Variants in CTNNA2 observed in about 807,000 individuals in gnomAD.
The protein encoded by CTNNA2 is catenin alpha 2, also known as catenin alpha-2.
A neutral mutation model predicts 101.0 loss-of-function variants in CTNNA2; 42 were observed. That is an observed-to-expected ratio of 0.42 (90% confidence interval 0.32 to 0.54). CTNNA2 has a LOEUF of 0.54. CTNNA2 is among the 20% of genes least tolerant of loss of function. CTNNA2 has a pLI of 0.14. For synonymous variants in CTNNA2, 450 were observed against 456.4 expected (o/e 0.99, Z 0.18); for missense variants, 871 against 1,223.1 (o/e 0.71, Z 4.29).
chr2:80,162,656 C>T (rs1214154461), intron 7 of CTNNA2: 1 of 1,612,444 alleles, frequency 6.2e-7, no homozygotes, highest in African/African-American at 1.3e-5. Flanking sequence ...TGACTTTACG[C>T]TGTGATGATG....
rs181971183 is a variant in CTNNA2, at chr2:80,477,045, T to C, written c.1290+57444T>C. ...TAGAATAATTACTATTTAGAGTATA[T>C]TGGGTTGGATTTGTAAAATGACTGG... On this transcript the variant is annotated intron_variant, in intron 9 of 18. Coordinates refer to ENST00000402739, the MANE Select transcript of CTNNA2 (RefSeq NM_001282597.3). 2.8e-3 allele frequency among the ~76,000 whole-genome samples: 427 copies of C among 152,252 alleles called. 1 individual carries two copies. The highest frequency in any genetic ancestry group is 3.0e-3 in the Non-Finnish European group (205 of 68,008).
intron 1 of CTNNA2, among the ~76,000 whole-genome samples, chr2:79,561,188 T>G (rs1307802757): frequency 1.3e-5 from 2 of 151,946 alleles, no homozygotes; most frequent in East Asian, 3.9e-4. Context: ...ATATGACCTT[T>G]GTGCCTGGCT....
chr2:79,955,338 T>C (rs866106316), intron 7 of CTNNA2, among the ~76,000 whole-genome samples: 23 of 152,316 alleles, frequency 1.5e-4, no homozygotes, highest in African/African-American at 4.8e-4. Flanking sequence ...AGTTTCGTGT[T>C]ATGCTTTTGT....
intron 7 of CTNNA2, among the ~76,000 whole-genome samples, chr2:80,338,625 G>A (rs1293182429): frequency 6.6e-6 from 1 of 152,162 alleles, no homozygotes; most frequent in Non-Finnish European, 1.5e-5. Flanking sequence ...GAGCATGGCC[G>A]ACTCTGGAGA....
At chr2:80,217,671 T>G (rs1237903649) in intron 7 of CTNNA2, among the ~76,000 whole-genome samples, 1 of 152,214 alleles carries the variant, frequency 6.6e-6, no homozygotes, top group African/African-American at 2.4e-5. Context: ...TCCACTAAAC[T>G]GTGATTTTCA....
intron 6 of CTNNA2, among the ~76,000 whole-genome samples, chr2:79,879,891 T>G (rs148848765): frequency 1.3e-5 from 2 of 152,294 alleles, no homozygotes; most frequent in East Asian, 3.9e-4. Context: ...AGTTTTGTTA[T>G]GTATTGGTTT....
intron 4 of CTNNA2, among the ~76,000 whole-genome samples, chr2:79,458,189 G>C (rs919118522): frequency 2.0e-5 from 3 of 152,190 alleles, no homozygotes; most frequent in African/African-American, 7.2e-5. Context: ...CTTCCTTATA[G>C]ATTCTCAGAG....
At chr2:79,309,562 G>A (rs549229154) in intron 2 of CTNNA2, among the ~76,000 whole-genome samples, 1 of 152,250 alleles carries the variant, frequency 6.6e-6, no homozygotes, top group African/African-American at 2.4e-5. Context: ...CAAGGAGAAA[G>A]AACAATAGAA....
intron 7 of CTNNA2, among the ~76,000 whole-genome samples, chr2:80,067,357 T>C (rs1014511868): frequency 2.0e-5 from 3 of 152,144 alleles, no homozygotes; most frequent in Non-Finnish European, 2.9e-5. Flanking sequence ...ATGTTTTATA[T>C]ATATATATTT....
chr2:79,244,235 C>A (rs1162846207), intron 2 of CTNNA2, among the ~76,000 whole-genome samples: 1 of 152,122 alleles, frequency 6.6e-6, no homozygotes, highest in Non-Finnish European at 1.5e-5. Context: ...AAACTATCAC[C>A]CAGAACTCCA....
chr2:80,131,816 C>G (rs548816636), intron 7 of CTNNA2, among the ~76,000 whole-genome samples: 1 of 152,278 alleles, frequency 6.6e-6, no homozygotes, highest in East Asian at 1.9e-4. Flanking sequence ...CACGGTGGCT[C>G]ATGCCTGTAA....
intron 4 of CTNNA2, among the ~76,000 whole-genome samples, chr2:79,485,804 T>G (rs573616972): frequency 1.3e-5 from 2 of 152,314 alleles, no homozygotes; most frequent in Admixed American, 6.5e-5. Flanking sequence ...TCTTTTCAGG[T>G]TTTGAAATGT....
At chr2:80,222,540 T>G (rs1173458001) in intron 7 of CTNNA2, among the ~76,000 whole-genome samples, 1 of 152,162 alleles carries the variant, frequency 6.6e-6, no homozygotes, top group African/African-American at 2.4e-5. Flanking sequence ...TACAACTAGT[T>G]AATGGCAAAG....
At chr2:80,616,378 A>G (rs1450589437) in intron 17 of CTNNA2, 1 of 151,652 alleles carries the variant, frequency 6.6e-6, no homozygotes, top group Non-Finnish European at 1.5e-5. Flanking sequence ...TTTCTCTTCA[A>G]TTATAACATT....
At chr2:79,981,709 G>T (rs1691284123) in intron 7 of CTNNA2, among the ~76,000 whole-genome samples, 1 of 152,088 alleles carries the variant, frequency 6.6e-6, no homozygotes, top group South Asian at 2.1e-4. Context: ...TCGAGCAAAA[G>T]CTTACTTTTT....
intron 2 of CTNNA2, among the ~76,000 whole-genome samples, chr2:79,219,632 C>T (rs1001823056): frequency 6.6e-6 from 1 of 152,122 alleles, no homozygotes; most frequent in Non-Finnish European, 1.5e-5. Flanking sequence ...TGCATTTACA[C>T]CTGCAAGCAC....
At chr2:80,477,540 G>A (rs1053330252) in intron 9 of CTNNA2, among the ~76,000 whole-genome samples, 5 of 151,818 alleles carry the variant, frequency 3.3e-5, no homozygotes, top group Middle Eastern at 3.4e-3. Context: ...GTCTCCATTC[G>A]TTATACTACT....
intron 8 of CTNNA2, among the ~76,000 whole-genome samples, chr2:80,410,975 G>A (rs1463455714): frequency 2.0e-5 from 3 of 152,176 alleles, no homozygotes; most frequent in Admixed American, 1.3e-4. Flanking sequence ...AGCTGCATTT[G>A]CAGCTTTCAA....
intron 2 of CTNNA2, among the ~76,000 whole-genome samples, chr2:79,300,166 C>G (rs913777774): frequency 1.3e-5 from 2 of 152,308 alleles, no homozygotes; most frequent in African/African-American, 4.8e-5. Flanking sequence ...TCCCCCTGCT[C>G]TAACTACTCA....
Sources: gnomAD v4.1 joint callset for allele counts (sites outside exome capture counted in the v4.1 genomes callset) on GRCh38, gnomAD v4.1.1 for gene constraint, MANE v1.5 for transcripts, NCBI Gene and HGNC (gene_info 2026-07-23, HGNC 2026-07-21) for gene names.